SLC4A7: variants seen among roughly 807,000 people sequenced by gnomAD.
SLC4A7 encodes the protein sodium bicarbonate cotransporter 3.
Under a neutral mutation model 137.6 loss-of-function variants are expected in SLC4A7, and 51 were observed. The observed-to-expected ratio is 0.37, with a 90% CI of 0.30 to 0.47. The LOEUF is 0.47. Ranked by LOEUF, SLC4A7 falls within the 20% of genes least tolerant of loss-of-function variation. The pLI is 1.00. For missense variants in SLC4A7, 1,247 were observed against 1,525.4 expected (o/e 0.82, Z 3.04); for synonymous variants, 542 against 518.6 (o/e 1.05, Z -0.61).
intron 23 of SLC4A7, 58 bp from the exon 24 acceptor site, chr3:27,383,308 A>G (rs17019721): frequency 0.23 from 279,737 of 1,202,166 alleles, 34,493 homozygotes; most frequent in Non-Finnish European, 0.26. Flanking sequence ...AAGAGAATTG[A>G]CTAATTTATA....
At chr3:27,483,558 AAG>A (rs947878777) in intron 1 of SLC4A7, among the ~76,000 whole-genome samples, 73 of 152,344 alleles carry the variant, frequency 4.8e-4, no homozygotes, top group African/African-American at 1.6e-3. Flanking sequence ...GACACTCGGA[AAG>A]AGGGGGAAAG....
intron 6 of SLC4A7, 84 bp from the exon 7 acceptor site, chr3:27,431,753 T>C (rs529128408): frequency 1.4e-6 from 2 of 1,401,970 alleles, no homozygotes; most frequent in East Asian, 2.4e-5. Context: ...CAATTTACAC[T>C]ATAAATTGCA....
At chr3:27,390,162 G>T in intron 21 of SLC4A7, 58 bp from the exon 22 acceptor site, 1 of 1,030,714 alleles carries the variant, frequency 9.7e-7, no homozygotes, top group Non-Finnish European at 1.4e-6. Flanking sequence ...CTATTTAGGA[G>T]AAGAATCTAT....
intron 21 of SLC4A7, 141 bp downstream of exon 21, chr3:27,391,599 T>C: frequency 1.6e-6 from 1 of 612,138 alleles, no homozygotes; most frequent in Non-Finnish European, 2.9e-6. Context: ...ACTTGGCAAA[T>C]GTCTGAAGTC....
intron 2 of SLC4A7, among the ~76,000 whole-genome samples, chr3:27,451,410 T>A (rs962660619): frequency 6.6e-6 from 1 of 152,054 alleles, no homozygotes; most frequent in Non-Finnish European, 1.5e-5. Context: ...CATGTTGATA[T>A]CATATTGTCC....
chr3:27,433,850 G>A (rs747480215), intron 6 of SLC4A7, 66 bp downstream of exon 6: 91 of 1,340,086 alleles, frequency 6.8e-5, no homozygotes, highest in South Asian at 1.7e-4. Context: ...AATGTTAATC[G>A]TAACATACTG....
chr3:27,411,333 G>A (rs185301329), intron 12 of SLC4A7, among the ~76,000 whole-genome samples: 10 of 151,966 alleles, frequency 6.6e-5, no homozygotes, highest in Non-Finnish European at 8.8e-5. Flanking sequence ...ATTATAATAA[G>A]ACTCTACACC....
At chr3:27,398,583 C>A (rs2052437515) in intron 16 of SLC4A7, among the ~76,000 whole-genome samples, 2 of 152,152 alleles carry the variant, frequency 1.3e-5, no homozygotes, top group Admixed American at 1.3e-4. Flanking sequence ...CATCTCAAAT[C>A]ACTAAAATAC....
intron 3 of SLC4A7, among the ~76,000 whole-genome samples, chr3:27,447,336 G>A (rs1024622955): frequency 1.3e-5 from 2 of 152,066 alleles, no homozygotes; most frequent in Non-Finnish European, 2.9e-5. Context: ...TTTGTCTAGG[G>A]CTTGGTAGAA....
intron 1 of SLC4A7, among the ~76,000 whole-genome samples, chr3:27,460,704 T>C (rs536426963): frequency 6.6e-6 from 1 of 152,200 alleles, no homozygotes; most frequent in Non-Finnish European, 1.5e-5. Flanking sequence ...ACGATGAATA[T>C]ATGGGTGATA....
At chr3:27,383,437 A>T (rs527650925) in intron 23 of SLC4A7, among the ~76,000 whole-genome samples, 187 bp from the exon 24 acceptor site, 1 of 152,348 alleles carries the variant, frequency 6.6e-6, no homozygotes, top group South Asian at 2.1e-4. Flanking sequence ...CACTTGTAAA[A>T]CATGACTAAT....
chr3:27,381,178 T>C (rs992309108), intron 24 of SLC4A7, among the ~76,000 whole-genome samples: 1 of 152,232 alleles, frequency 6.6e-6, no homozygotes, highest in African/African-American at 2.4e-5. Context: ...TCATGGCTTA[T>C]GACACCACTT....
At chr3:27,484,003 C>A in intron 1 of SLC4A7, 64 bp downstream of exon 1, 1 of 1,241,584 alleles carries the variant, frequency 8.1e-7, no homozygotes, top group Non-Finnish European at 1.0e-6. Flanking sequence ...GCGCCCCCCG[C>A]CTTTGTCTGC....
chr3:27,446,959 C>A (rs891089375), intron 3 of SLC4A7, among the ~76,000 whole-genome samples: 4 of 148,804 alleles, frequency 2.7e-5, no homozygotes, highest in Non-Finnish European at 5.9e-5. Context: ...TCTCTGCTCA[C>A]TGCAACCTCT....
intron 3 of SLC4A7, among the ~76,000 whole-genome samples, chr3:27,441,209 G>C (rs148732142): frequency 3.0e-4 from 46 of 152,164 alleles, no homozygotes; most frequent in African/African-American, 1.1e-3. Context: ...AACATTGCTG[G>C]ATACAATGTA....
chr3:27,395,284 A>G (rs918940510), intron 18 of SLC4A7, among the ~76,000 whole-genome samples, 169 bp from the exon 19 acceptor site: 1 of 152,178 alleles, frequency 6.6e-6, no homozygotes, highest in South Asian at 2.1e-4. Flanking sequence ...AATTCTTCCT[A>G]TCCCTATAAC....
chr3:27,417,806 A>G (rs572589985), intron 11 of SLC4A7, among the ~76,000 whole-genome samples: 1 of 152,162 alleles, frequency 6.6e-6, no homozygotes, highest in Non-Finnish European at 1.5e-5. Context: ...GAAGATAAAG[A>G]TACCTATTAG....
At chr3:27,405,247 A>C (rs2053221436) in intron 13 of SLC4A7, among the ~76,000 whole-genome samples, 1 of 152,186 alleles carries the variant, frequency 6.6e-6, no homozygotes, top group Admixed American at 6.5e-5. Context: ...TCCACACTCC[A>C]AACTTTTTGA....
intron 3 of SLC4A7, among the ~76,000 whole-genome samples, chr3:27,444,093 G>A (rs558342216): frequency 2.6e-5 from 4 of 152,206 alleles, no homozygotes; most frequent in South Asian, 2.1e-4. Flanking sequence ...ATCTGGTTGG[G>A]CAATGTTATT....
Sources: allele counts gnomAD v4.1 joint callset (sites outside exome capture counted in the v4.1 genomes callset), GRCh38; gene constraint gnomAD v4.1.1; transcripts MANE v1.5; gene names NCBI Gene and HGNC (gene_info 2026-07-23, HGNC 2026-07-21).